SDK1: variants seen among roughly 807,000 people sequenced by gnomAD.
SDK1 encodes sidekick cell adhesion molecule 1.
In SDK1, 157 loss-of-function variants were observed where a neutral mutation model predicts 245.5. That is an observed-to-expected ratio of 0.64 (90% CI 0.56 to 0.73). The LOEUF (loss-of-function observed/expected upper bound fraction) is 0.73. SDK1 is among the 30% of genes least tolerant of loss of function. The pLI, the probability that SDK1 is intolerant of heterozygous loss-of-function variation, is 0.00. For synonymous variants in SDK1, 1,647 were observed against 1,278.5 expected (o/e 1.29, Z -6.15); for missense variants, 3,583 against 3,002.3 (o/e 1.19, Z -4.52).
Position 3,639,102 on chromosome 7 carries a change from A to C in SDK1, c.557A>C (p.Gln186Pro). The C allele has an allele frequency of 6.3e-7, 1 of 1,593,042 alleles. No individual in the cohort carries two copies. Among genetic ancestry groups the C allele is most frequent in the Non-Finnish European group, 8.6e-7 (1 of 1,163,976 alleles). ...GALLQRKSEVQVAYMGSFMDT... is the reference protein window; with the variant it reads ...GALLQRKSEVPVAYMGSFMDT... ...CTCCTGCAAAGAAAATCAGAAGTTC[A>C]AGTCGCATGTATGTGTACAGTAAGG... Residue 186 changes from glutamine (Q) to proline (P), a missense_variant, in exon 3 of 45, where the codon CAA becomes CCA. Physicochemically the swap from Gln to Pro is moderately conservative, Grantham distance 76. Coordinates refer to ENST00000404826, the MANE Select transcript of SDK1 (RefSeq NM_152744.4).
Position 3,960,241 on chromosome 7 carries a change from G to T in SDK1, c.1234+1227G>T, listed in dbSNP as rs187968950. Among the ~76,000 whole-genome samples the T allele has an allele frequency of 7.2e-4, 110 of 152,326 alleles. 1 individual carries two copies. In the Middle Eastern group the frequency reaches 0.02, roughly 28 times the overall value. On this transcript the variant is annotated intron_variant, in intron 8 of 44. Transcript: ENST00000404826. ...CTCAATGAAATGGGATCCTTCTCTG[G>T]TGAAGTCATTGCCCAGTGTGTGGCC...
At chr7:3,604,896 C>G (rs906527148) in intron 1 of SDK1, among the ~76,000 whole-genome samples, 1 of 152,012 alleles carries the variant, frequency 6.6e-6, no homozygotes, top group South Asian at 2.1e-4. Context: ...GCCACGGTGT[C>G]CAGCCCCAAA....
chr7:3,604,424 A>G (rs1189232459), intron 1 of SDK1, among the ~76,000 whole-genome samples: 1 of 151,914 alleles, frequency 6.6e-6, no homozygotes, highest in East Asian at 1.9e-4. Context: ...TGGGTTATTG[A>G]CTTCAGGCTT....
intron 5 of SDK1, among the ~76,000 whole-genome samples, chr7:3,831,770 A>G (rs1779917804): frequency 6.6e-6 from 1 of 152,126 alleles, no homozygotes; most frequent in East Asian, 1.9e-4. Flanking sequence ...AAAAAAATTA[A>G]TCACCCGGGC....
intron 4 of SDK1, among the ~76,000 whole-genome samples, chr7:3,670,742 C>T (rs1482097155): frequency 6.6e-6 from 1 of 152,234 alleles, no homozygotes; most frequent in Non-Finnish European, 1.5e-5. Context: ...ACTTATCCTT[C>T]TGCAGCAAAG....
At chr7:4,056,661 A>G (rs890153690) in intron 19 of SDK1, among the ~76,000 whole-genome samples, 5 of 151,958 alleles carry the variant, frequency 3.3e-5, no homozygotes, top group African/African-American at 9.7e-5. Flanking sequence ...CAGGCCCAAG[A>G]CTCACGTAGG....
chr7:4,049,450 A>G lies in SDK1; in HGVS notation c.2705A>G (p.Asn902Ser). The G allele has an allele frequency of 6.2e-7, 1 of 1,613,296 alleles. No homozygotes were observed. The highest frequency in any genetic ancestry group is 8.5e-7 in the Non-Finnish European group (1 of 1,179,224). The change falls in exon 18 of 45, where the codon AAC (asparagine) becomes AGC (serine). Residue 902 changes from asparagine (N) to serine (S), a missense_variant. Transcript: ENST00000404826. Reference protein sequence around the residue: ...PPPQQFINGINQGYKLLAWPA... With the variant: ...PPPQQFINGISQGYKLLAWPA... ...CCTCAGCAGTTTATCAATGGCATCA[A>G]CCAGGGATACAAGGTACGTGGCCTG...
intron 5 of SDK1, among the ~76,000 whole-genome samples, chr7:3,921,271 T>G (rs779084345): frequency 3.9e-5 from 6 of 152,236 alleles, no homozygotes; most frequent in Non-Finnish European, 8.8e-5. Context: ...TACTTCATAT[T>G]TTATTATTTC....
chr7:3,396,698 A>G (rs1001100530), intron 1 of SDK1, among the ~76,000 whole-genome samples: 2 of 151,626 alleles, frequency 1.3e-5, no homozygotes, highest in Admixed American at 6.6e-5. Flanking sequence ...TTCATGATAT[A>G]TCTTTTCCCA....
chr7:4,243,594 G>A (rs976179342), intron 43 of SDK1, among the ~76,000 whole-genome samples: 1 of 152,176 alleles, frequency 6.6e-6, no homozygotes, highest in Non-Finnish European at 1.5e-5. Context: ...TTTGTGTAGG[G>A]AAACTCCCCT....
At chr7:3,917,844 A>G (rs758272862) in intron 5 of SDK1, among the ~76,000 whole-genome samples, 14 of 152,166 alleles carry the variant, frequency 9.2e-5, no homozygotes, top group Non-Finnish European at 1.5e-4. Context: ...GTGCATGCAC[A>G]CACAATTCTG....
Position 3,773,136 on chromosome 7 carries a change from C to G in SDK1, c.714-48314C>G, listed in dbSNP as rs560189178. On this transcript the variant is annotated intron_variant, in intron 4 of 44. Transcript: ENST00000404826. ...TATTTCTTCAAGTATACTTTCTGTT[C>G]TTTCTCCCTCTCTTCTTTTTCTAGG... Among the ~76,000 whole-genome samples, 60 of 152,114 alleles carry G rather than the reference C, an allele frequency of 3.9e-4. No homozygotes were observed. The South Asian group carries it at 0.012, about 32-fold the overall frequency.
At chr7:4,083,107 C>T (rs1308522420) in intron 22 of SDK1, among the ~76,000 whole-genome samples, 1 of 152,144 alleles carries the variant, frequency 6.6e-6, no homozygotes, top group Non-Finnish European at 1.5e-5. Flanking sequence ...TTGCAATTGA[C>T]ATACAGGTTT....
chr7:3,675,056 C>T (rs949565055), intron 4 of SDK1, among the ~76,000 whole-genome samples: 2 of 152,202 alleles, frequency 1.3e-5, no homozygotes, highest in Non-Finnish European at 2.9e-5. Context: ...CTAGCCACGG[C>T]TGTAAACCTT....
intron 22 of SDK1, among the ~76,000 whole-genome samples, chr7:4,093,255 T>C (rs899869214): frequency 9.2e-5 from 14 of 152,228 alleles, no homozygotes; most frequent in Non-Finnish European, 1.2e-4. Flanking sequence ...GCAAATGTTA[T>C]ATGTTTTCAT....
chr7:4,258,045 C>T (rs1371413475), intron 44 of SDK1, among the ~76,000 whole-genome samples: 1 of 152,220 alleles, frequency 6.6e-6, no homozygotes. Flanking sequence ...TGTCTCCCGC[C>T]AGGCCCCCTT....
chr7:3,518,274 T>G lies in SDK1; in HGVS notation c.299-100806T>G, dbSNP rs574698738. ...CATGAGCCTTTTCTCTTCAGGACAT[T>G]GATCTGGGAAATAATTTTATGAATA... On this transcript the variant is annotated intron_variant, in intron 1 of 44. Transcript: ENST00000404826. 2.6e-5 allele frequency among the ~76,000 whole-genome samples: 4 copies of G among 152,162 alleles called. No homozygotes were observed. In the South Asian group the frequency reaches 8.3e-4, roughly 32 times the overall value.
rs183890436 is a variant in SDK1, at chr7:3,493,250, T to G, written c.299-125830T>G. ...ACAGGCGTCAACCACCATGCCTGGC[T>G]GAAGAGAAGATTTAGATATATGTCT... On this transcript the variant is annotated intron_variant, in intron 1 of 44. Transcript: ENST00000404826. Among the ~76,000 whole-genome samples, 433 of 152,304 alleles carry G rather than the reference T, an allele frequency of 2.8e-3. 1 individual carries two copies. Among genetic ancestry groups the G allele is most frequent in the African/African-American group, 9.9e-3 (411 of 41,566 alleles).
intron 35 of SDK1, among the ~76,000 whole-genome samples, chr7:4,200,088 C>G (rs1247132679): frequency 6.6e-6 from 1 of 152,142 alleles, no homozygotes; most frequent in Non-Finnish European, 1.5e-5. Flanking sequence ...GAGTGATACT[C>G]CATCCCCCCA....
Sources: allele counts gnomAD v4.1 joint callset (sites outside exome capture counted in the v4.1 genomes callset), GRCh38; gene constraint gnomAD v4.1.1; transcripts MANE v1.5; gene names NCBI Gene and HGNC (gene_info 2026-07-23, HGNC 2026-07-21).